The following LTN1 variants were observed in gnomAD, a reference collection of about 807,000 sequenced individuals.
LTN1 encodes listerin E3 ubiquitin protein ligase 1.
Under a neutral mutation model 201.2 loss-of-function variants are expected in LTN1, and 88 were observed. That is an observed-to-expected ratio of 0.44 (90% CI 0.37 to 0.52). The LOEUF is 0.52. LTN1 is among the 20% of genes least tolerant of loss of function. The pLI is 0.00. For missense variants in LTN1, 1,752 were observed against 2,038.7 expected, an observed-to-expected ratio of 0.86 and a Z score of 2.71; for synonymous variants, 645 against 713.5, an observed-to-expected ratio of 0.90 and a Z score of 1.53.
chr21:28,959,052 G>A (rs916920589), intron 13 of LTN1, among the ~76,000 whole-genome samples: 3 of 152,106 alleles, frequency 2.0e-5, no homozygotes, highest in Admixed American at 2.0e-4. Flanking sequence ...CAAGAATATA[G>A]TCCTTAAAAA....
intron 11 of LTN1, 62 bp downstream of exon 11, chr21:28,965,803 G>T: frequency 1.1e-6 from 1 of 934,924 alleles, no homozygotes; most frequent in Non-Finnish European, 1.6e-6. Flanking sequence ...ATAGGACTAC[G>T]GTTATAATAT....
Position 28,928,928 on chromosome 21 carries a change from G to A in LTN1, c.*1520C>T, listed in dbSNP as rs753062373. ...GATTACTATGTCAGAAAGAGACATA[G>A]AAAGATAGAGAATATTTTAAGAAAA... On this transcript the variant is annotated 3_prime_UTR_variant, in exon 30 of 30. Coordinates refer to ENST00000361371, the MANE Select transcript of LTN1 (RefSeq NM_015565.3). The A allele has an allele frequency of 6.6e-6, 1 of 152,528 alleles. No individual in the cohort carries two copies. Among genetic ancestry groups the A allele is most frequent in the Non-Finnish European group, 1.5e-5 (1 of 67,980 alleles). 9.4% of individuals were successfully genotyped at this position (152,528 alleles called of 1,614,324 possible). A position where few individuals can be genotyped will look rare whatever the true frequency, so the allele number is the denominator to read the frequency against.
chr21:28,966,652 A>C lies in LTN1; in HGVS notation c.1839T>G (p.His613Gln). 1 of 1,614,032 alleles carries C rather than the reference A, an allele frequency of 6.2e-7. No individual in the cohort carries two copies. Among genetic ancestry groups the C allele is most frequent in the Non-Finnish European group, 8.5e-7 (1 of 1,180,010 alleles). The change falls in exon 10 of 30, where the codon CAT becomes CAG. Residue 613 changes from histidine (H) to glutamine (Q), a missense_variant. Transcript: ENST00000361371. ...CAAGCAGAGTAGAAAGAAACCTTAG[A>C]TGTTGCTCTGACTTTCGTTCATTGA... Reference protein sequence around the residue: ...NYVNERKSEQHLRFLSTLLDS... With the variant: ...NYVNERKSEQQLRFLSTLLDS...
At chr21:28,930,658 C>A in intron 29 of LTN1, 148 bp from the exon 30 acceptor site, 1 of 511,170 alleles carries the variant, frequency 2.0e-6, no homozygotes, top group Non-Finnish European at 3.4e-6. Context: ...CTGTTATCTC[C>A]AAAATTAACA....
At chr21:28,985,277 T>C (rs1050218767) in intron 3 of LTN1, among the ~76,000 whole-genome samples, 35 of 151,926 alleles carry the variant, frequency 2.3e-4, no homozygotes, top group Admixed American at 6.6e-5. Flanking sequence ...CTGGCCAACA[T>C]GGTGAAACCC....
chr21:28,958,340 G>C, intron 14 of LTN1, 46 bp downstream of exon 14: 1 of 1,551,714 alleles, frequency 6.4e-7, no homozygotes, highest in Non-Finnish European at 8.7e-7. Context: ...TAAGGACACT[G>C]TTCAAGTATA....
Position 28,966,552 on chromosome 21 carries a change from G to C in LTN1, c.1939C>G (p.Leu647Val). Reference sequence around the variant, plus strand: ...TTTTGTACAAGCTTGGCTATTTCAAGAGGTTTGGCTTGGACAATACTCTGT... The same window carrying C: ...TTTTGTACAAGCTTGGCTATTTCAACAGGTTTGGCTTGGACAATACTCTGT... ...EKQSIVQAKP[L>V]EIAKLVQKNP... Residue 647 changes from leucine (L) to valine (V), a missense_variant, in exon 10 of 30, where the codon CTT (leucine) becomes GTT (valine). Physicochemically the swap from Leu to Val is conservative, Grantham distance 32. Coordinates refer to ENST00000361371, the MANE Select transcript of LTN1 (RefSeq NM_015565.3). 1 of 1,614,146 alleles carries C rather than the reference G, an allele frequency of 6.2e-7. No individual in the cohort carries two copies. Among genetic ancestry groups the C allele is most frequent in the Non-Finnish European group, 8.5e-7 (1 of 1,180,030 alleles).
intron 6 of LTN1, among the ~76,000 whole-genome samples, chr21:28,980,083 C>T (rs1214900756): frequency 1.3e-5 from 2 of 152,016 alleles, no homozygotes; most frequent in Non-Finnish European, 2.9e-5. Flanking sequence ...TTGAACAAGG[C>T]GACGTTCCCT....
At chr21:28,987,701 G>A (rs1676716369) in intron 1 of LTN1, among the ~76,000 whole-genome samples, 1 of 152,110 alleles carries the variant, frequency 6.6e-6, no homozygotes, top group Admixed American at 6.6e-5. Flanking sequence ...GAAAATATTT[G>A]AACTGCTAAA....
rs2146268119 is a variant in LTN1, at chr21:28,944,458, G to A, written c.3907C>T (p.Leu1303=). Residue 1303 remains leucine, a synonymous_variant, in exon 22 of 30, where the codon CTA becomes TTA. Transcript: ENST00000361371. ...LDTIGNLPVN[L]ISEWKEFFSQ... Reference sequence around the variant, plus strand: ...AAAAATTCTTTCCATTCACTGATTAGATTTACAGGAAGATTGCCAATGGTA... The same window carrying A: ...AAAAATTCTTTCCATTCACTGATTAAATTTACAGGAAGATTGCCAATGGTA... 6.2e-7 allele frequency: 1 copy of A among 1,614,008 alleles called. No individual in the cohort carries two copies. The highest frequency in any genetic ancestry group is 1.6e-4 in the Middle Eastern group (1 of 6,062).
intron 3 of LTN1, among the ~76,000 whole-genome samples, chr21:28,985,696 A>G (rs1468637256): frequency 5.1e-5 from 7 of 136,216 alleles, no homozygotes; most frequent in Non-Finnish European, 1.6e-5. Context: ...GTCTTGTTCT[A>G]TTGTCCAGGC....
Position 28,932,680 on chromosome 21 carries a change from G to T in LTN1, c.4876-16C>A. ...GAGCTTTAACCTGCAATACAACAAA[G>T]GATATTTTGTTTGCCAAATTTCTGT... On this transcript the variant is annotated splice_polypyrimidine_tract_variant and intron_variant, in intron 27 of 29. Coordinates refer to ENST00000361371, the MANE Select transcript of LTN1 (RefSeq NM_015565.3). 6.4e-7 allele frequency: 1 copy of T among 1,562,730 alleles called. No individual in the cohort carries two copies. The highest frequency in any genetic ancestry group is 2.3e-5 in the East Asian group (1 of 44,318).
At chr21:28,946,633 G>A (rs748435767) in intron 19 of LTN1, among the ~76,000 whole-genome samples, 58 of 152,164 alleles carry the variant, frequency 3.8e-4, no homozygotes, top group South Asian at 8.3e-4. Flanking sequence ...TACAGCTACA[G>A]AGTAGCTGGA....
intron 18 of LTN1, among the ~76,000 whole-genome samples, chr21:28,950,197 C>T (rs561024664): frequency 6.6e-6 from 1 of 152,126 alleles, no homozygotes; most frequent in Admixed American, 6.5e-5. Context: ...TTTATCTTCC[C>T]ACCTTCTTTT....
In LTN1 at chr21:28,952,249, G is replaced by A. The variant is rs1263556864; in HGVS notation, c.3255C>T (p.Gly1085=). ...TAGCAATAATAAGAGACCACAGTGT[G>A]CCATGTTCTCTGGACCTGAAAAAGG... ...QLLFNRSREH[G]TLWSLIIAKL... The change falls in exon 18 of 30, where the codon GGC becomes GGT. Residue 1085 remains glycine (G), a synonymous_variant. Coordinates refer to ENST00000361371, the MANE Select transcript of LTN1 (RefSeq NM_015565.3). The A allele has an allele frequency of 6.3e-7, 1 of 1,598,614 alleles. No homozygotes were observed. The highest frequency in any genetic ancestry group is 8.5e-7 in the Non-Finnish European group (1 of 1,171,614).
rs2084316422 is a variant in LTN1 at position 28,943,887 on chromosome 21, A to T, written c.4000T>A (p.Ser1334Thr). 2.5e-6 allele frequency: 4 copies of T among 1,611,922 alleles called. No homozygotes were observed. The African/African-American group carries it at 5.3e-5, about 22-fold the overall frequency. Residue 1334 changes from serine to threonine, a missense_variant, in exon 23 of 30, where the codon TCT (serine) becomes ACT (threonine). Coordinates refer to ENST00000361371, the MANE Select transcript of LTN1 (RefSeq NM_015565.3). ...VTVTGENKDV[S>T]ETSFQNAMLK... ...ATTGCATTCTGAAAGGATGTTTCAG[A>T]CACATCTTTGTTTTCTCCTAATGAC...
At chr21:28,944,011 G>T in intron 22 of LTN1, 107 bp from the exon 23 acceptor site, 1 of 640,392 alleles carries the variant, frequency 1.6e-6, no homozygotes, top group Non-Finnish European at 2.7e-6. Flanking sequence ...ATAAAAACTA[G>T]ACATAAACAA....
intron 9 of LTN1, among the ~76,000 whole-genome samples, chr21:28,968,335 T>C (rs1442358671): frequency 2.0e-5 from 3 of 152,152 alleles, no homozygotes; most frequent in Admixed American, 6.5e-5. Flanking sequence ...ACATGAAAGA[T>C]ACCTAGGACC....
chr21:28,973,072 G>A (rs2084587730), intron 6 of LTN1, among the ~76,000 whole-genome samples: 1 of 152,112 alleles, frequency 6.6e-6, no homozygotes, highest in Non-Finnish European at 1.5e-5. Flanking sequence ...TGAAGGCCGG[G>A]CATGGTGGCT....
Sources: allele counts gnomAD v4.1 joint callset (sites outside exome capture counted in the v4.1 genomes callset), GRCh38; gene constraint gnomAD v4.1.1; transcripts MANE v1.5; gene names NCBI Gene and HGNC (gene_info 2026-07-23, HGNC 2026-07-21).